Variants in DNAJC5B observed in about 807,000 individuals in gnomAD.
DNAJC5B encodes the protein dnaJ homolog subfamily C member 5B.
In DNAJC5B, 23 loss-of-function variants were observed where a neutral mutation model predicts 24.7. That is an observed-to-expected ratio of 0.93 (90% CI 0.67 to 1.32). The LOEUF is 1.32. Among genes scored for constraint, DNAJC5B ranks in the 40% most tolerant of loss-of-function variants. DNAJC5B has a pLI of 0.00. For synonymous variants in DNAJC5B, 101 were observed against 90.1 expected, an observed-to-expected ratio of 1.12 and a Z score of -0.68; for missense variants, 238 against 240.8, an observed-to-expected ratio of 0.99 and a Z score of 0.08.
intron 3 of DNAJC5B, among the ~76,000 whole-genome samples, chr8:66,073,340 A>G (rs576587518): frequency 6.6e-6 from 1 of 152,302 alleles, no homozygotes; most frequent in South Asian, 2.1e-4. Context: ...TAGAACATAA[A>G]GGTAAAAATG....
the DNAJC5B span, among the ~76,000 whole-genome samples, chr8:66,015,419 G>C: frequency 1.3e-5 from 2 of 151,830 alleles, no homozygotes; most frequent in Non-Finnish European, 2.9e-5. Context: ...TTTTCCATTA[G>C]CTTAGCTTGG....
upstream of DNAJC5B, among the ~76,000 whole-genome samples, chr8:66,018,320 C>A (rs1303073113): frequency 6.6e-6 from 1 of 152,066 alleles, no homozygotes; most frequent in Non-Finnish European, 1.5e-5. Context: ...AGTTCAAGAC[C>A]AGCCTGGCCA....
chr8:66,038,130 A>G (rs1806529010), intron 1 of DNAJC5B, among the ~76,000 whole-genome samples: 2 of 152,250 alleles, frequency 1.3e-5, no homozygotes, highest in Admixed American at 1.3e-4. Context: ...GTAGCAGATC[A>G]TTTGGATTCC....
chr8:66,050,714 C>T (rs1011940017), intron 2 of DNAJC5B, among the ~76,000 whole-genome samples: 5 of 152,312 alleles, frequency 3.3e-5, no homozygotes, highest in South Asian at 2.1e-4. Context: ...AAATTATCTA[C>T]GACTATGATC....
chr8:66,034,269 T>G (rs961387815), intron 1 of DNAJC5B, among the ~76,000 whole-genome samples: 4 of 150,178 alleles, frequency 2.7e-5, no homozygotes, highest in Non-Finnish European at 5.9e-5. Flanking sequence ...TGGTGGAGAA[T>G]GGTAAAAGAT....
intron 1 of DNAJC5B, among the ~76,000 whole-genome samples, chr8:66,040,635 G>A (rs1013901176): frequency 6.6e-6 from 1 of 152,056 alleles, no homozygotes; most frequent in Non-Finnish European, 1.5e-5. Context: ...GGTAAACAGC[G>A]GCTCTCGATC....
intron 3 of DNAJC5B, among the ~76,000 whole-genome samples, chr8:66,055,866 T>A (rs1806951503): frequency 6.6e-6 from 1 of 152,150 alleles, no homozygotes; most frequent in African/African-American, 2.4e-5. Context: ...CGCTTGAACC[T>A]GGGAGGCAGA....
At chr8:66,048,324 G>A (rs1218441057) in intron 2 of DNAJC5B, among the ~76,000 whole-genome samples, 1 of 152,190 alleles carries the variant, frequency 6.6e-6, no homozygotes, top group Non-Finnish European at 1.5e-5. Flanking sequence ...TGGGGGAAAG[G>A]GCAGGCAGCA....
Position 66,099,946 on chromosome 8 carries a change from T to C in DNAJC5B, c.515T>C (p.Phe172Ser). 1 of 1,613,920 alleles carries C rather than the reference T, an allele frequency of 6.2e-7. No homozygotes were observed. Among genetic ancestry groups the C allele is most frequent in the South Asian group, 1.1e-5 (1 of 91,056 alleles). The change falls in exon 6 of 6, where the codon TTT becomes TCT. Residue 172 changes from phenylalanine to serine, a missense_variant. Coordinates refer to ENST00000276570, the MANE Select transcript of DNAJC5B (RefSeq NM_033105.6). Reference sequence around the variant, plus strand: ...CTTTGTTTATTTTTAGATGTGGACTTTCCAGTTTTTCTCCAGCCTACAAAT... The same window carrying C: ...CTTTGTTTATTTTTAGATGTGGACTCTCCAGTTTTTCTCCAGCCTACAAAT... The part of the protein sequence containing the change: ...IKSDMEKDVD[F>S]PVFLQPTNAN...
At chr8:66,066,724 G>T (rs541235045) in intron 3 of DNAJC5B, among the ~76,000 whole-genome samples, 3 of 152,008 alleles carry the variant, frequency 2.0e-5, no homozygotes, top group African/African-American at 4.8e-5. Context: ...GACTCAGAAG[G>T]GGGAGGGTAG....
At chr8:66,066,772 T>G (rs1488173737) in intron 3 of DNAJC5B, among the ~76,000 whole-genome samples, 1 of 152,142 alleles carries the variant, frequency 6.6e-6, no homozygotes, top group Non-Finnish European at 1.5e-5. Context: ...TGTATACTAC[T>G]CAGGTGTTGG....
intron 3 of DNAJC5B, among the ~76,000 whole-genome samples, chr8:66,063,500 T>G (rs984158748): frequency 6.6e-6 from 1 of 152,250 alleles, no homozygotes; most frequent in Non-Finnish European, 1.5e-5. Context: ...ATTTGCTTCC[T>G]GAGTTCTAAA....
At chr8:66,017,125 C>T (rs73237302), upstream of DNAJC5B, among the ~76,000 whole-genome samples, 18,833 of 152,096 alleles carry the variant, frequency 0.12, 1,898 homozygotes, top group African/African-American at 0.28. Flanking sequence ...TAAACCAATA[C>T]ATGCCTTACA....
chr8:66,061,535 G>A (rs539223167), intron 3 of DNAJC5B, among the ~76,000 whole-genome samples: 4 of 152,070 alleles, frequency 2.6e-5, no homozygotes, highest in East Asian at 1.9e-4. Context: ...GCTAGGGCAC[G>A]GGTGCAGGGT....
At chr8:66,045,824 G>A (rs956514846) in intron 2 of DNAJC5B, among the ~76,000 whole-genome samples, 1 of 152,172 alleles carries the variant, frequency 6.6e-6, no homozygotes, top group African/African-American at 2.4e-5. Context: ...ATACTGGACA[G>A]GATTCAGGCA....
At chr8:66,027,794 A>G (rs928551886) in intron 1 of DNAJC5B, among the ~76,000 whole-genome samples, 1 of 152,130 alleles carries the variant, frequency 6.6e-6, no homozygotes, top group Non-Finnish European at 1.5e-5. Flanking sequence ...CTCTCATACT[A>G]TGTCCTTTCA....
rs140079541 is a variant in DNAJC5B at position 66,065,166 on chromosome 8, T to C, written c.120-11494T>C. Among the ~76,000 whole-genome samples, 5 of 152,348 alleles carry C rather than the reference T, an allele frequency of 3.3e-5. No individual in the cohort carries two copies. The East Asian group carries it at 9.6e-4, about 29-fold the overall frequency. On this transcript the variant is annotated intron_variant, in intron 3 of 5. Coordinates refer to ENST00000276570, the MANE Select transcript of DNAJC5B (RefSeq NM_033105.6). ...GGTTCTGTACGAGGGAAAAGACCAA[T>C]TCTCTGAAACAGATCATCATCTACG...
chr8:66,076,023 G>A (rs1487426939), intron 3 of DNAJC5B, among the ~76,000 whole-genome samples: 1 of 152,226 alleles, frequency 6.6e-6, no homozygotes, highest in Non-Finnish European at 1.5e-5. Flanking sequence ...CTGATCCACA[G>A]AGGAGAAGGC....
intron 3 of DNAJC5B, chr8:66,057,508 G>A (rs1806991688): frequency 6.6e-6 from 1 of 152,158 alleles, no homozygotes; most frequent in African/African-American, 2.4e-5. Flanking sequence ...GACTAAAAGA[G>A]TACTAAAAGA....
Sources: allele counts gnomAD v4.1 joint callset (sites outside exome capture counted in the v4.1 genomes callset), GRCh38; gene constraint gnomAD v4.1.1; transcripts MANE v1.5; gene names NCBI Gene and HGNC (gene_info 2026-07-23, HGNC 2026-07-21).